TSPAN33: variants seen among roughly 807,000 people sequenced by gnomAD.
TSPAN33 encodes tetraspanin 33.
A neutral mutation model predicts 34.8 loss-of-function variants in TSPAN33; 27 were observed. The ratio of observed to expected loss-of-function variants is 0.78; its 90% CI spans 0.57 to 1.07. The LOEUF (loss-of-function observed/expected upper bound fraction) is 1.07. Among genes scored for constraint, TSPAN33 ranks in the 50% least tolerant of loss-of-function variants. The pLI, the probability that TSPAN33 is intolerant of heterozygous loss-of-function variation, is 0.00. For synonymous variants in TSPAN33, 119 were observed against 124.2 expected (o/e 0.96, Z 0.28); for missense variants, 272 against 324.9 (o/e 0.84, Z 1.25).
chr7:129,152,689 A>AAC (rs149662925), intron 1 of TSPAN33, among the ~76,000 whole-genome samples: 1 of 151,490 alleles, frequency 6.6e-6, no homozygotes, highest in African/African-American at 2.4e-5. Flanking sequence ...TCCATCTCAA[A>AAC]AAACAAACAA....
chr7:129,163,878 T>TA (rs769599351), intron 4 of TSPAN33, among the ~76,000 whole-genome samples: 17 of 151,782 alleles, frequency 1.1e-4, no homozygotes, highest in Non-Finnish European at 2.4e-4. Context: ...GAGAAGGAGG[T>TA]TGCAGTAAGC....
intron 5 of TSPAN33, 92 bp downstream of exon 5, chr7:129,164,661 T>C: frequency 4.1e-6 from 5 of 1,209,160 alleles, no homozygotes; most frequent in Non-Finnish European, 6.1e-6. Flanking sequence ...GGGCTCTTCA[T>C]TACCTGCCAG....
At chr7:129,145,127 C>CG (rs752685154) in intron 1 of TSPAN33, 45 bp downstream of exon 1, 32 of 643,742 alleles carry the variant, frequency 5.0e-5, no homozygotes, top group Non-Finnish European at 9.1e-5. Flanking sequence ...GGTCCCCCCG[C>CG]GGGGTGGAAG....
In TSPAN33 at chr7:129,164,504, A is replaced by G. The variant is rs1412038720; in HGVS notation, c.394A>G (p.Asn132Asp). The G allele has an allele frequency of 3.7e-6, 6 of 1,613,928 alleles. No homozygotes were observed. The Admixed American group carries it at 5.0e-5, about 13-fold the overall frequency. ...AGGGAAAGTGAGTGAGATCATCAACAATGCCATTGTGCACTACCGAGATGA... is the reference window on the plus strand; with the variant it reads ...AGGGAAAGTGAGTGAGATCATCAACGATGCCATTGTGCACTACCGAGATGA... ...ARGKVSEIIN[N>D]AIVHYRDDLD... The change falls in exon 5 of 8, where the codon AAT (asparagine) becomes GAT (aspartate). Residue 132 changes from asparagine to aspartate, a missense_variant. Asn to Asp is a conservative substitution (Grantham distance 23, BLOSUM62 1). Coordinates refer to ENST00000486685, the MANE Select transcript of TSPAN33 (RefSeq NM_178562.5).
At position 129,150,267 on chromosome 7, in the gene TSPAN33, G is replaced by A. The variant is rs188831848; in HGVS notation, c.102+5185G>A. 1.9e-3 allele frequency among the ~76,000 whole-genome samples: 293 copies of A among 152,268 alleles called. 2 individuals are homozygous for A. The highest frequency in any genetic ancestry group is 6.7e-3 in the African/African-American group (278 of 41,568). On this transcript the variant is annotated intron_variant, in intron 1 of 7. Transcript: ENST00000486685. ...CTGCTGGTGGCCCCACTGTGGCAACGCCATGCCTTCCCTTTTCAGAGTGCT... is the reference window on the plus strand; with the variant it reads ...CTGCTGGTGGCCCCACTGTGGCAACACCATGCCTTCCCTTTTCAGAGTGCT...
At chr7:129,154,755 A>T (rs1284424616) in intron 1 of TSPAN33, among the ~76,000 whole-genome samples, 1 of 152,228 alleles carries the variant, frequency 6.6e-6, no homozygotes. Context: ...AAATAAAATA[A>T]AAAGTATAAA....
intron 1 of TSPAN33, among the ~76,000 whole-genome samples, chr7:129,149,220 C>T (rs1810560114): frequency 6.6e-6 from 1 of 152,070 alleles, no homozygotes. Context: ...CTTTGTTTGC[C>T]CTGTACCAAG....
At chr7:129,149,436 T>A (rs1810563821) in intron 1 of TSPAN33, among the ~76,000 whole-genome samples, 1 of 152,052 alleles carries the variant, frequency 6.6e-6, no homozygotes, top group Non-Finnish European at 1.5e-5. Flanking sequence ...TGCACACCTG[T>A]ATTCCCAGCT....
Position 129,162,883 on chromosome 7 carries a change from C to G in TSPAN33, c.339C>G (p.Ile113Met), listed in dbSNP as rs763854992. The change falls in exon 4 of 8, where the codon ATC (isoleucine) becomes ATG (methionine). Residue 113 changes from isoleucine to methionine, a missense_variant. By Grantham distance (10) the Ile-to-Met change is conservative. Transcript: ENST00000486685. ...TCCTGCTGCAGCTGGCCGCTGGGAT[C>G]CTGGGCTTCGTCTTCTCAGACAAGG... ...AVFLLQLAAG[I>M]LGFVFSDKAR... The G allele has an allele frequency of 1.9e-6, 3 of 1,613,814 alleles. No homozygotes were observed. In the African/African-American group the frequency reaches 4.0e-5, roughly 22 times the overall value.
chr7:129,158,108 T>C (rs1792983932), intron 1 of TSPAN33, among the ~76,000 whole-genome samples: 3 of 152,218 alleles, frequency 2.0e-5, no homozygotes, highest in South Asian at 2.1e-4. Context: ...CAGTCCAGCC[T>C]CTGCCTCCAT....
In TSPAN33 at chr7:129,162,380, G is replaced by T. The variant is rs368039892; in HGVS notation, c.161-14G>T. On this transcript the variant is annotated splice_polypyrimidine_tract_variant and intron_variant, in intron 2 of 7. Coordinates refer to ENST00000486685, the MANE Select transcript of TSPAN33 (RefSeq NM_178562.5). ...GGGCACCAGGCTCAGGCTGAGGGCC[G>T]GCTCCTTTTCCAGAAGCAGCCCTAG... 4.9e-4 allele frequency: 797 copies of T among 1,610,682 alleles called. 2 individuals carry two copies. The highest frequency in any genetic ancestry group is 5.2e-4 in the Non-Finnish European group (615 of 1,179,968).
chr7:129,166,869 CTG>C lies in TSPAN33; in HGVS notation c.554_555del (p.Val185AlafsTer10). The C allele has an allele frequency of 1.9e-6, 3 of 1,614,158 alleles. No homozygotes were observed. The Middle Eastern group carries it at 5.0e-4, about 268-fold the overall frequency. Reference sequence around the variant, plus strand: ...GACAACCCCAGTCGAGAGCGCTGCTCTGTGCCTTACTCCTGTTGCTTGCCTAC... The same window carrying C: ...GACAACCCCAGTCGAGAGCGCTGCTCTGCCTTACTCCTGTTGCTTGCCTAC... On this transcript the variant is annotated frameshift_variant, in exon 6 of 8. Coordinates refer to ENST00000486685, the MANE Select transcript of TSPAN33 (RefSeq NM_178562.5). LOFTEE classifies it high-confidence loss of function.
At chr7:129,156,260 CATCAT>C (rs900763743) in intron 1 of TSPAN33, among the ~76,000 whole-genome samples, 2 of 152,174 alleles carry the variant, frequency 1.3e-5, no homozygotes, top group Non-Finnish European at 2.9e-5. Flanking sequence ...CATCACATCA[CATCAT>C]ATCATATCAT....
intron 1 of TSPAN33, among the ~76,000 whole-genome samples, chr7:129,150,926 A>G (rs1359434406): frequency 1.3e-5 from 2 of 152,140 alleles, no homozygotes; most frequent in African/African-American, 4.8e-5. Context: ...AAACAAAGGA[A>G]GAAAATCAAA....
chr7:129,146,570 A>G (rs1473309226), intron 1 of TSPAN33, among the ~76,000 whole-genome samples: 1 of 152,184 alleles, frequency 6.6e-6, no homozygotes, highest in Non-Finnish European at 1.5e-5. Context: ...GGCTGCTGCT[A>G]TAGCTGGGGT....
Position 129,144,741 on chromosome 7 carries a change from C to G in TSPAN33, c.-240C>G. Among the ~76,000 whole-genome samples the G allele has an allele frequency of 9.8e-6, 1 of 101,580 alleles. No homozygotes were observed. The highest frequency in any genetic ancestry group is 2.3e-5 in the Non-Finnish European group (1 of 44,290). 66.6% of individuals were successfully genotyped at this position (101,580 alleles called of 152,430 possible). A position where few individuals can be genotyped will look rare whatever the true frequency, so the allele number is the denominator to read the frequency against. Reference sequence around the variant, plus strand: ...TGGCTGGCCGGGCTGGTCCTGCGGCCGCGGGTGAGTCTCGTCCGCTCGCGC... The same window carrying G: ...TGGCTGGCCGGGCTGGTCCTGCGGCGGCGGGTGAGTCTCGTCCGCTCGCGC... On this transcript the variant is annotated 5_prime_UTR_variant, in exon 1 of 8. Transcript: ENST00000486685.
intron 5 of TSPAN33, among the ~76,000 whole-genome samples, chr7:129,166,277 A>T (rs1217242432): frequency 6.6e-6 from 1 of 152,152 alleles, no homozygotes; most frequent in African/African-American, 2.4e-5. Flanking sequence ...CTTCTGAGAC[A>T]AGTCCTGAGT....
chr7:129,162,672 A>C, intron 3 of TSPAN33, 151 bp downstream of exon 3: 1 of 1,455,166 alleles, frequency 6.9e-7, no homozygotes, highest in South Asian at 1.3e-5. Flanking sequence ...GTGACCCAGC[A>C]CAGGGTGGCC....
chr7:129,150,496 A>G (rs1330135014), intron 1 of TSPAN33, among the ~76,000 whole-genome samples: 1 of 152,168 alleles, frequency 6.6e-6, no homozygotes, highest in East Asian at 1.9e-4. Context: ...ACTGGGAGGC[A>G]GAGATAGGAA....
Sources: allele counts gnomAD v4.1 joint callset (sites outside exome capture counted in the v4.1 genomes callset), GRCh38; gene constraint gnomAD v4.1.1; transcripts MANE v1.5; gene names NCBI Gene and HGNC (gene_info 2026-07-23, HGNC 2026-07-21).